The following MCM9 variants were observed in gnomAD, a reference collection of about 807,000 sequenced individuals.
The protein encoded by MCM9 is minichromosome maintenance 9 homologous recombination repair factor.
MCM9 carries 55 observed loss-of-function variants against 72.8 expected under a neutral mutation model. That is an observed-to-expected ratio of 0.76 (90% CI 0.61 to 0.95). The LOEUF is 0.95. Among genes scored for constraint, MCM9 ranks in the 40% least tolerant of loss-of-function variants. The pLI, the probability that MCM9 is intolerant of heterozygous loss-of-function variation, is 0.00. For missense variants in MCM9, 1,279 were observed against 1,377.0 expected (o/e 0.93, Z 1.13); for synonymous variants, 480 against 503.4 (o/e 0.95, Z 0.62).
At chr6:118,861,583 G>C (rs967193508) in intron 8 of MCM9, among the ~76,000 whole-genome samples, 2 of 152,206 alleles carry the variant, frequency 1.3e-5, no homozygotes, top group Non-Finnish European at 2.9e-5. Flanking sequence ...CCGCAGGCAG[G>C]TTGTACTGAC....
intron 8 of MCM9, chr6:118,908,103 C>G (rs1330229435): frequency 6.5e-6 from 1 of 153,560 alleles, no homozygotes; most frequent in Non-Finnish European, 1.4e-5. Context: ...GATTTGAAAT[C>G]AACTATATGC....
At chr6:118,846,592 A>C (rs946703805) in intron 9 of MCM9, among the ~76,000 whole-genome samples, 7 of 151,814 alleles carry the variant, frequency 4.6e-5, no homozygotes, top group African/African-American at 1.7e-4. Flanking sequence ...ATCCCGGAGT[A>C]GATAGAGGAG....
At chr6:118,910,098 C>T (rs891340445) in intron 8 of MCM9, among the ~76,000 whole-genome samples, 1 of 126,184 alleles carries the variant, frequency 7.9e-6, no homozygotes, top group African/African-American at 3.1e-5. Flanking sequence ...GCCTGGGCGA[C>T]AGCACTAGAC....
At chr6:118,845,224 A>G (rs1016248226) in intron 9 of MCM9, among the ~76,000 whole-genome samples, 1 of 151,938 alleles carries the variant, frequency 6.6e-6, no homozygotes, top group African/African-American at 2.4e-5. Flanking sequence ...CTGAGTCATA[A>G]TAACGAAGAG....
At position 118,847,107 on chromosome 6, in the gene MCM9, A is replaced by T. The variant is rs577833567; in HGVS notation, c.1325+9264T>A. 9.9e-4 allele frequency among the ~76,000 whole-genome samples: 150 copies of T among 151,908 alleles called. 1 individual carries two copies. The highest frequency in any genetic ancestry group is 1.8e-3 in the Non-Finnish European group (121 of 68,038). ...AAAAGCAGAAGATGTATATCCAGAG[A>T]TGATAAAACTGAAGAAAGAAATGGA... On this transcript the variant is annotated intron_variant, in intron 9 of 13. Transcript: ENST00000619706.
At chr6:118,927,978 A>G (rs1782038935) in intron 3 of MCM9, among the ~76,000 whole-genome samples, 1 of 152,202 alleles carries the variant, frequency 6.6e-6, no homozygotes, top group African/African-American at 2.4e-5. Context: ...ACTGGACTAT[A>G]GGGCCTTTTG....
chr6:118,920,281 G>A (rs1781325167), intron 5 of MCM9: 3 of 152,156 alleles, frequency 2.0e-5, no homozygotes, highest in Non-Finnish European at 4.4e-5. Flanking sequence ...TATCTCATTA[G>A]TATACTATTT....
rs1774157071 is a variant in MCM9 at position 118,826,210 on chromosome 6, T to A, written c.1898A>T (p.Glu633Val). The change falls in exon 13 of 14, where the codon GAA becomes GTA. Residue 633 changes from glutamate to valine, a missense_variant. Physicochemically the swap from Glu to Val is moderately radical, Grantham distance 121 (BLOSUM62 -2). Coordinates refer to ENST00000619706, the MANE Select transcript of MCM9 (RefSeq NM_017696.3). The stretch of plus-strand genomic sequence containing the variant: ...CAGCTCTAGCTTTTCCAGAATAAGT[T>A]CACACTGTCTCTGGTACTGCTCTCC... ...NPGEQYQRQC[E>V]LILEKLELQS... 1 of 1,550,530 alleles carries A rather than the reference T, an allele frequency of 6.4e-7. No homozygotes were observed. The highest frequency in any genetic ancestry group is 1.4e-5 in the African/African-American group (1 of 73,156).
intron 8 of MCM9, among the ~76,000 whole-genome samples, chr6:118,864,569 T>C (rs1177158932): frequency 6.6e-6 from 1 of 151,380 alleles, no homozygotes; most frequent in African/African-American, 2.4e-5. Flanking sequence ...ACTAAGAAAA[T>C]TTCCACATCA....
intron 1 of MCM9, chr6:118,934,240 C>A (rs767294958): frequency 6.6e-5 from 10 of 152,330 alleles, no homozygotes; most frequent in Non-Finnish European, 1.3e-4. Flanking sequence ...GTGTTATCAG[C>A]AGTTTGCTAA....
rs751922535 is a variant in MCM9 at position 118,917,746 on chromosome 6, A to G, written c.719T>C (p.Ile240Thr). ...CCACCGTTGCATTACAATCCCGTAA[A>G]TAGTGAGGTCATCACCTAGGAAAAA... The part of the protein sequence containing the change: ...DSCKSGDDLT[I>T]YGIVMQRWKP... Residue 240 changes from isoleucine (I) to threonine (T), a missense_variant, in exon 6 of 14, where the codon ATT (isoleucine) becomes ACT (threonine). Ile to Thr is a moderately conservative substitution (Grantham distance 89, BLOSUM62 -1). Transcript: ENST00000619706. The G allele has an allele frequency of 6.2e-7, 1 of 1,614,118 alleles. No homozygotes were observed. The highest frequency in any genetic ancestry group is 1.1e-5 in the South Asian group (1 of 91,070).
intron 9 of MCM9, among the ~76,000 whole-genome samples, chr6:118,836,967 G>A (rs1775003539): frequency 6.6e-6 from 1 of 151,990 alleles, no homozygotes; most frequent in Non-Finnish European, 1.5e-5. Flanking sequence ...GTGATGTTGG[G>A]GTGCTGAATT....
At chr6:118,874,438 A>C (rs1219329404) in intron 8 of MCM9, among the ~76,000 whole-genome samples, 1 of 152,188 alleles carries the variant, frequency 6.6e-6, no homozygotes, top group African/African-American at 2.4e-5. Context: ...CAACTTCCTC[A>C]ACTTTATAAA....
intron 8 of MCM9, among the ~76,000 whole-genome samples, chr6:118,876,981 T>C (rs36155566): frequency 0.73 from 110,987 of 152,080 alleles, 41,526 homozygotes; most frequent in South Asian, 0.83. Flanking sequence ...AACAATGCCA[T>C]GTCATTTTCA....
chr6:118,907,117 T>G (rs1780235798), intron 8 of MCM9, among the ~76,000 whole-genome samples: 1 of 152,230 alleles, frequency 6.6e-6, no homozygotes, highest in Admixed American at 6.5e-5. Flanking sequence ...GGAGATTCTT[T>G]CTTTTAGAAA....
intron 8 of MCM9, among the ~76,000 whole-genome samples, chr6:118,882,640 G>A (rs1778359683): frequency 6.6e-6 from 1 of 152,138 alleles, no homozygotes; most frequent in Non-Finnish European, 1.5e-5. Context: ...ATACCAAACA[G>A]CACAGATAGC....
At chr6:118,843,720 G>GTATATATATGTATGTATATATATATGTA (rs1775658342) in intron 9 of MCM9, among the ~76,000 whole-genome samples, 1 of 102,006 alleles carries the variant, frequency 9.8e-6, no homozygotes, top group African/African-American at 4.5e-5. Context: ...ATATATATAT[G>GTATATATATGTATGTATATATATATGTA]TATATATATA....
intron 9 of MCM9, among the ~76,000 whole-genome samples, chr6:118,834,809 T>C (rs1159774563): frequency 1.3e-5 from 2 of 152,228 alleles, no homozygotes; most frequent in Non-Finnish European, 2.9e-5. Context: ...AGGTTGCCTG[T>C]TCACTCTGAT....
At chr6:118,878,166 C>T (rs139639392) in intron 8 of MCM9, among the ~76,000 whole-genome samples, 1 of 151,794 alleles carries the variant, frequency 6.6e-6, no homozygotes, top group African/African-American at 2.4e-5. Context: ...TGCCTCAAAA[C>T]AGAAAAACAA....
Sources: allele counts gnomAD v4.1 joint callset (sites outside exome capture counted in the v4.1 genomes callset), GRCh38; gene constraint gnomAD v4.1.1; transcripts MANE v1.5; gene names NCBI Gene and HGNC (gene_info 2026-07-23, HGNC 2026-07-21).